MASP1: variants seen among roughly 807,000 people sequenced by gnomAD.
MASP1 encodes MBL associated serine protease 1.
MASP1 carries 59 observed loss-of-function variants against 77.1 expected under a neutral mutation model. The ratio of observed to expected loss-of-function variants is 0.77; its 90% CI spans 0.62 to 0.95. The LOEUF is 0.95. MASP1 is among the 40% of genes least tolerant of loss of function. MASP1 has a pLI of 0.00. For missense variants in MASP1, 885 were observed against 912.9 expected (o/e 0.97, Z 0.39); for synonymous variants, 362 against 354.5 (o/e 1.02, Z -0.24).
intron 2 of MASP1, chr3:187,263,160 G>A: frequency 4.2e-6 from 1 of 238,282 alleles, no homozygotes. Context: ...AGATGGAGGT[G>A]ATGAGAGATA....
In MASP1 at chr3:187,234,482, AT is replaced by A. The variant is rs149323399; in HGVS notation, c.*1201del. 2.6e-5 allele frequency: 34 copies of A among 1,286,320 alleles called. 1 individual carries two copies. The African/African-American group carries it at 4.9e-4, about 18-fold the overall frequency. 79.7% of individuals were successfully genotyped at this position (1,286,320 alleles called of 1,614,324 possible). ...ACCAGAGACTCAGACAAAGAAAATG[AT>A]TTTTCAAAGGTTATACAGCCAGTTG... On this transcript the variant is annotated 3_prime_UTR_variant, in exon 11 of 11. Transcript: ENST00000296280.
downstream of MASP1, among the ~76,000 whole-genome samples, chr3:187,230,920 C>T (rs150585455): frequency 1.5e-3 from 234 of 152,314 alleles, no homozygotes; most frequent in Non-Finnish European, 2.6e-3. Context: ...ATAACCCAAG[C>T]CCCTGGATCC....
At chr3:187,289,765 G>A (rs770823641) in intron 1 of MASP1, among the ~76,000 whole-genome samples, 1 of 152,126 alleles carries the variant, frequency 6.6e-6, no homozygotes, top group Non-Finnish European at 1.5e-5. Context: ...TCCTGAACTT[G>A]GAGCCCGAAG....
chr3:187,225,445 G>A, exon 13 of MASP1: 1 of 1,614,198 alleles, frequency 6.2e-7, no homozygotes, highest in Non-Finnish European at 8.5e-7. Context: ...ACTGGGGGTG[G>A]AGAGTGGTGT....
intron 4 of MASP1, among the ~76,000 whole-genome samples, chr3:187,259,737 A>G (rs2108558271): frequency 6.6e-6 from 1 of 152,320 alleles, no homozygotes; most frequent in Non-Finnish European, 1.5e-5. Context: ...GATGTGTTAT[A>G]TAGGGTTTTA....
At chr3:187,233,812 G>C (rs75504992), downstream of MASP1, among the ~76,000 whole-genome samples, 3 of 152,164 alleles carry the variant, frequency 2.0e-5, no homozygotes, top group South Asian at 4.1e-4. Context: ...CCCAGCGTGT[G>C]GGGGGTTGGG....
chr3:187,279,477 A>AATC lies in MASP1; in HGVS notation c.237+6345_237+6347dup, dbSNP rs1416365887. On this transcript the variant is annotated intron_variant, in intron 2 of 10. Coordinates refer to ENST00000296280, the MANE Select transcript of MASP1 (RefSeq NM_139125.4). The stretch of plus-strand genomic sequence containing the variant: ...ATTCTTTCTTTTTTTTACACCCCCA[A>AATC]ATCATAGTATAAGTTAATATTAGGC... Among the ~76,000 whole-genome samples, 8 of 152,274 alleles carry AATC rather than the reference A, an allele frequency of 5.3e-5. No homozygotes were observed. The East Asian group carries it at 5.8e-4, about 11-fold the overall frequency.
At chr3:187,271,201 A>T (rs1224929550) in intron 2 of MASP1, among the ~76,000 whole-genome samples, 1 of 152,294 alleles carries the variant, frequency 6.6e-6, no homozygotes, top group East Asian at 1.9e-4. Context: ...CCACCTTTTC[A>T]CTATCAGCTG....
intron 8 of MASP1, chr3:187,244,880 C>A (rs1490087876): frequency 2.0e-5 from 3 of 152,146 alleles, no homozygotes; most frequent in Non-Finnish European, 4.4e-5. Flanking sequence ...ATAATTTATC[C>A]CTGAGTGCCA....
Position 187,260,726 on chromosome 3 carries a change from A to C in MASP1, c.547+15T>G. On this transcript the variant is annotated intron_variant, in intron 4 of 10. Transcript: ENST00000296280. ...GCCTATAAGGGCAATGCATACAATCATTGGTAGGCTCTACCTCGGCAGGTC... is the reference window on the plus strand; with the variant it reads ...GCCTATAAGGGCAATGCATACAATCCTTGGTAGGCTCTACCTCGGCAGGTC... 3.1e-6 allele frequency: 5 copies of C among 1,614,166 alleles called. No individual in the cohort carries two copies. Among genetic ancestry groups the C allele is most frequent in the Non-Finnish European group, 4.2e-6 (5 of 1,180,020 alleles).
intron 2 of MASP1, among the ~76,000 whole-genome samples, chr3:187,265,044 C>G (rs888409027): frequency 1.3e-5 from 2 of 152,104 alleles, no homozygotes; most frequent in Non-Finnish European, 2.9e-5. Context: ...TAGCTGAGCT[C>G]TAGATTCCTT....
intron 10 of MASP1, among the ~76,000 whole-genome samples, chr3:187,239,293 C>T (rs1713432972): frequency 6.6e-6 from 1 of 152,032 alleles, no homozygotes; most frequent in African/African-American, 2.4e-5. Context: ...GCAGAGATTG[C>T]AGTGAGCTGA....
exon 16 of MASP1, chr3:187,218,176 C>A (rs1192553473): frequency 1.3e-5 from 2 of 152,238 alleles, no homozygotes; most frequent in Non-Finnish European, 1.5e-5. Context: ...ACCTCCATGA[C>A]TTTCCAAAGC....
At chr3:187,278,885 T>G (rs1298392741) in intron 2 of MASP1, among the ~76,000 whole-genome samples, 2 of 152,180 alleles carry the variant, frequency 1.3e-5, no homozygotes, top group East Asian at 3.8e-4. Context: ...CAGTTTATTT[T>G]GACTTTACTA....
At position 187,235,666 on chromosome 3, in the gene MASP1, C is replaced by T. The variant is rs767316663; in HGVS notation, c.*18G>A. The T allele has an allele frequency of 1.9e-5, 31 of 1,613,636 alleles. No individual in the cohort carries two copies. The highest frequency in any genetic ancestry group is 1.7e-6 in the Non-Finnish European group (2 of 1,180,038). ...TAGCTTCGCTCAGGGGAGGCAGGCC[C>T]CGAGGAAGTAAGTCAGCTCACCGTT... On this transcript the variant is annotated 3_prime_UTR_variant, in exon 11 of 11. Coordinates refer to ENST00000296280, the MANE Select transcript of MASP1 (RefSeq NM_139125.4).
intron 9 of MASP1, 63 bp downstream of exon 9, chr3:187,243,421 G>T: frequency 6.3e-7 from 1 of 1,587,874 alleles, no homozygotes; most frequent in Non-Finnish European, 8.6e-7. Context: ...TCGGCCCCCA[G>T]TCCAACCCTG....
chr3:187,291,569 C>T, intron 1 of MASP1, 59 bp downstream of exon 1: 1 of 1,610,824 alleles, frequency 6.2e-7, no homozygotes, highest in Non-Finnish European at 8.5e-7. Context: ...CAGACCTTCC[C>T]TGCTATTTGA....
At chr3:187,266,524 C>A (rs898701369) in intron 2 of MASP1, among the ~76,000 whole-genome samples, 2 of 152,016 alleles carry the variant, frequency 1.3e-5, no homozygotes, top group Admixed American at 1.3e-4. Context: ...AGAGAATAAT[C>A]TTTGAGCTGG....
At chr3:187,244,336 G>C (rs139179440) in intron 8 of MASP1, 1 of 153,964 alleles carries the variant, frequency 6.5e-6, no homozygotes, top group Non-Finnish European at 1.4e-5. Flanking sequence ...GGTGGTCTTT[G>C]GGGAGCTTTC....
Sources: allele counts gnomAD v4.1 joint callset (sites outside exome capture counted in the v4.1 genomes callset), GRCh38; gene constraint gnomAD v4.1.1; transcripts MANE v1.5; gene names NCBI Gene and HGNC (gene_info 2026-07-23, HGNC 2026-07-21).